The following FRMD5 variants were observed in gnomAD, a reference collection of about 807,000 sequenced individuals.
The protein encoded by FRMD5 is FERM domain containing 5.
FRMD5 carries 20 observed loss-of-function variants against 69.0 expected under a neutral mutation model. That is an observed-to-expected ratio of 0.29 (90% CI 0.20 to 0.42). The LOEUF (loss-of-function observed/expected upper bound fraction) is 0.42, where lower values mean the gene tolerates loss of function less well. Ranked by LOEUF, FRMD5 falls within the 10% of genes least tolerant of loss-of-function variation. The probability of loss-of-function intolerance (pLI) is 1.00; values close to 1 mark genes in which losing one functional copy is unlikely to be tolerated. For synonymous variants in FRMD5, 271 were observed against 260.1 expected (o/e 1.04, Z -0.40); for missense variants, 595 against 708.6 (o/e 0.84, Z 1.82).
At chr15:44,033,240 A>G (rs2140290384) in intron 1 of FRMD5, among the ~76,000 whole-genome samples, 1 of 152,270 alleles carries the variant, frequency 6.6e-6, no homozygotes, top group Admixed American at 6.5e-5. Context: ...GGTCTACTTG[A>G]AGGGGGAGGA....
chr15:44,102,979 C>T (rs2076661211), intron 1 of FRMD5, among the ~76,000 whole-genome samples: 1 of 152,214 alleles, frequency 6.6e-6, no homozygotes, highest in Admixed American at 6.5e-5. Context: ...GCCTTGCCTA[C>T]ACTCATAACC....
chr15:43,957,066 T>A (rs1176339350), intron 1 of FRMD5, among the ~76,000 whole-genome samples: 1 of 152,250 alleles, frequency 6.6e-6, no homozygotes, highest in Non-Finnish European at 1.5e-5. Context: ...TATAACGTTT[T>A]ATAATTTGCA....
intron 1 of FRMD5, among the ~76,000 whole-genome samples, chr15:44,012,210 T>A (rs1172324154): frequency 6.6e-6 from 1 of 152,182 alleles, no homozygotes; most frequent in South Asian, 2.1e-4. Context: ...AGCAAAGATA[T>A]CCCAAAGACA....
At chr15:44,017,663 T>A (rs527425967) in intron 1 of FRMD5, among the ~76,000 whole-genome samples, 142 of 150,216 alleles carry the variant, frequency 9.5e-4, no homozygotes, top group Non-Finnish European at 1.7e-3. Flanking sequence ...CTGGAGTGCA[T>A]GGTGCGATCT....
intron 1 of FRMD5, among the ~76,000 whole-genome samples, chr15:44,037,649 G>C (rs1383136032): frequency 6.7e-6 from 1 of 148,458 alleles, no homozygotes; most frequent in Non-Finnish European, 1.5e-5. Context: ...TTTTTTTATA[G>C]TTTTAGTAGA....
At chr15:44,137,475 T>A (rs1008441439) in intron 1 of FRMD5, among the ~76,000 whole-genome samples, 3 of 152,162 alleles carry the variant, frequency 2.0e-5, no homozygotes, top group African/African-American at 7.2e-5. Flanking sequence ...CAATTCTGAA[T>A]TCAAATCTCA....
chr15:43,914,192 T>G (rs1424089810), intron 4 of FRMD5, among the ~76,000 whole-genome samples: 1 of 152,200 alleles, frequency 6.6e-6, no homozygotes, highest in Non-Finnish European at 1.5e-5. Context: ...AGGGTAGAAA[T>G]GAGTCCACAG....
At chr15:44,029,708 T>C (rs997626232) in intron 1 of FRMD5, among the ~76,000 whole-genome samples, 5 of 152,196 alleles carry the variant, frequency 3.3e-5, no homozygotes, top group Non-Finnish European at 7.3e-5. Flanking sequence ...AATTTGTTTC[T>C]CAACACTCTA....
chr15:43,995,443 C>A (rs1889875649), intron 1 of FRMD5, among the ~76,000 whole-genome samples: 1 of 151,836 alleles, frequency 6.6e-6, no homozygotes, highest in Non-Finnish European at 1.5e-5. Context: ...TTTGTGGGGG[C>A]AGGCTGGGTC....
intron 1 of FRMD5, among the ~76,000 whole-genome samples, chr15:44,041,188 G>T (rs573653458): frequency 1.3e-5 from 2 of 152,120 alleles, no homozygotes; most frequent in South Asian, 4.2e-4. Flanking sequence ...GGAGCACCCA[G>T]GTTCATAAAG....
At chr15:44,029,713 ACT>A (rs1393904124) in intron 1 of FRMD5, among the ~76,000 whole-genome samples, 1 of 152,170 alleles carries the variant, frequency 6.6e-6, no homozygotes, top group African/African-American at 2.4e-5. Flanking sequence ...GTTTCTCAAC[ACT>A]CTAGCAATAA....
At chr15:43,995,442 G>A (rs1164881006) in intron 1 of FRMD5, among the ~76,000 whole-genome samples, 1 of 152,024 alleles carries the variant, frequency 6.6e-6, no homozygotes, top group Non-Finnish European at 1.5e-5. Flanking sequence ...GTTTGTGGGG[G>A]CAGGCTGGGT....
intron 9 of FRMD5, 82 bp from the exon 10 acceptor site, chr15:43,888,348 C>G (rs1299417974): frequency 1.3e-5 from 12 of 923,670 alleles, no homozygotes; most frequent in Non-Finnish European, 2.1e-5. Flanking sequence ...GACCCCAGAG[C>G]TGTTAGAGGC....
chr15:44,120,245 C>T (rs543364728), intron 1 of FRMD5, among the ~76,000 whole-genome samples: 1 of 152,100 alleles, frequency 6.6e-6, no homozygotes, highest in East Asian at 1.9e-4. Context: ...ATCACTTTGC[C>T]AGAAATAGGA....
At chr15:43,892,096 G>A (rs2088807163) in intron 7 of FRMD5, 27 bp from the exon 8 acceptor site, 1 of 1,597,678 alleles carries the variant, frequency 6.3e-7, no homozygotes, top group East Asian at 2.2e-5. Flanking sequence ...CTTCTCATCG[G>A]GTGATGCAGG....
At chr15:44,075,384 A>G (rs1893715243) in intron 1 of FRMD5, among the ~76,000 whole-genome samples, 1 of 152,182 alleles carries the variant, frequency 6.6e-6, no homozygotes, top group Non-Finnish European at 1.5e-5. Flanking sequence ...TTGAACAGTC[A>G]TAGTTTATTA....
At chr15:43,881,562 AAGTGCATGGC>A (rs1304997087) in intron 13 of FRMD5, among the ~76,000 whole-genome samples, 3 of 152,198 alleles carry the variant, frequency 2.0e-5, no homozygotes, top group Non-Finnish European at 4.4e-5. Context: ...CTGTTACAGA[AAGTGCATGGC>A]AGAGCTCCTA....
chr15:44,117,512 G>C (rs1471169085), intron 1 of FRMD5, among the ~76,000 whole-genome samples: 3 of 152,206 alleles, frequency 2.0e-5, no homozygotes, highest in Non-Finnish European at 2.9e-5. Flanking sequence ...CGGGGTTTCT[G>C]AGCAGTGCTA....
chr15:44,170,769 A>C (rs2077788508), intron 1 of FRMD5, among the ~76,000 whole-genome samples: 1 of 152,164 alleles, frequency 6.6e-6, no homozygotes, highest in African/African-American at 2.4e-5. Flanking sequence ...CTGCTACTCC[A>C]CAAGGCGTTA....
Sources: gnomAD v4.1 joint callset for allele counts (sites outside exome capture counted in the v4.1 genomes callset) on GRCh38, gnomAD v4.1.1 for gene constraint, MANE v1.5 for transcripts, NCBI Gene and HGNC (gene_info 2026-07-23, HGNC 2026-07-21) for gene names.